The following PRKCH variants were observed in gnomAD, a reference collection of about 807,000 sequenced individuals.
The protein encoded by PRKCH is protein kinase C eta type.
A neutral mutation model predicts 82.5 loss-of-function variants in PRKCH; 28 were observed. The ratio of observed to expected loss-of-function variants is 0.34; its 90% CI spans 0.25 to 0.47. PRKCH has a LOEUF of 0.47. Ranked by LOEUF, PRKCH falls within the 20% of genes least tolerant of loss-of-function variation. PRKCH has a pLI of 1.00. For missense variants in PRKCH, 705 were observed against 881.8 expected, an observed-to-expected ratio of 0.80 and a Z score of 2.54; for synonymous variants, 322 against 327.4, an observed-to-expected ratio of 0.98 and a Z score of 0.18.
chr14:61,463,487 T>TA (rs568145055), intron 9 of PRKCH: 2 of 152,068 alleles, frequency 1.3e-5, no homozygotes, highest in Non-Finnish European at 2.9e-5. Context: ...CCTTTTTTTT[T>TA]ATAATCATAT....
chr14:61,190,445 T>C (rs944707022), intron 1 of PRKCH, among the ~76,000 whole-genome samples: 1 of 152,204 alleles, frequency 6.6e-6, no homozygotes, highest in African/African-American at 2.4e-5. Flanking sequence ...ATTTAGTCCA[T>C]TCTCTAAACA....
chr14:61,360,038 T>C (rs1285479603), intron 1 of PRKCH, among the ~76,000 whole-genome samples: 1 of 152,252 alleles, frequency 6.6e-6, no homozygotes, highest in Non-Finnish European at 1.5e-5. Context: ...ATAGCGTATG[T>C]GGCATTCTCT....
At chr14:61,250,586 G>T (rs2044936871) in intron 1 of PRKCH, among the ~76,000 whole-genome samples, 1 of 152,140 alleles carries the variant, frequency 6.6e-6, no homozygotes, top group South Asian at 2.1e-4. Context: ...CAAAGGTTAG[G>T]GGGAGGAGGG....
chr14:61,490,722 T>C (rs1165890650), intron 10 of PRKCH, among the ~76,000 whole-genome samples: 3 of 152,268 alleles, frequency 2.0e-5, no homozygotes, highest in East Asian at 3.9e-4. Flanking sequence ...AAGACCAGCG[T>C]AGGCAACATA....
intron 12 of PRKCH, among the ~76,000 whole-genome samples, chr14:61,545,727 T>C (rs1469669907): frequency 1.3e-5 from 2 of 152,176 alleles, no homozygotes; most frequent in African/African-American, 2.4e-5. Context: ...TGTCCCCAAT[T>C]CCAAGGGTGC....
chr14:61,479,173 A>G (rs898371408), intron 9 of PRKCH, among the ~76,000 whole-genome samples: 1 of 152,008 alleles, frequency 6.6e-6, no homozygotes, highest in Non-Finnish European at 1.5e-5. Flanking sequence ...CCACCTGTCC[A>G]TCCACCCACC....
chr14:61,440,925 C>CTTTT (rs71117817), intron 2 of PRKCH, among the ~76,000 whole-genome samples: 3 of 147,350 alleles, frequency 2.0e-5, no homozygotes, highest in East Asian at 2.0e-4. Flanking sequence ...CATTTTTTTT[C>CTTTT]TTTTTTTTTT....
chr14:61,326,622 T>C (rs945665646), intron 1 of PRKCH, among the ~76,000 whole-genome samples: 4 of 152,184 alleles, frequency 2.6e-5, no homozygotes, highest in African/African-American at 9.7e-5. Context: ...AAAAAACCAA[T>C]CAGCGCTTAT....
At chr14:61,221,003 T>C (rs35637108) in intron 1 of PRKCH, among the ~76,000 whole-genome samples, 6,264 of 152,274 alleles carry the variant, frequency 0.041, 178 homozygotes, top group Non-Finnish European at 0.063. Context: ...GCCGCTAGTG[T>C]TGGGCAGACA....
At chr14:61,502,224 C>T (rs575607668) in intron 10 of PRKCH, among the ~76,000 whole-genome samples, 45 of 151,906 alleles carry the variant, frequency 3.0e-4, no homozygotes, top group African/African-American at 1.1e-3. Flanking sequence ...CCACCACACC[C>T]GGCTAATTTT....
chr14:61,453,558 TTC>T (rs1195628381), intron 7 of PRKCH, among the ~76,000 whole-genome samples: 1 of 151,562 alleles, frequency 6.6e-6, no homozygotes, highest in Non-Finnish European at 1.5e-5. Context: ...CTTTCTTTCT[TTC>T]TCTCTTTCTC....
At position 61,406,493 on chromosome 14, in the gene PRKCH, C is replaced by G. The variant is rs571890873; in HGVS notation, c.427+15205C>G. 9.2e-5 allele frequency among the ~76,000 whole-genome samples: 14 copies of G among 152,256 alleles called. 1 individual carries two copies. The South Asian group carries it at 2.9e-3, about 32-fold the overall frequency. On this transcript the variant is annotated intron_variant, in intron 2 of 13. Transcript: ENST00000332981. Reference sequence around the variant, plus strand: ...ACTGGAGACAAGTTACAGGCATTTCCTTTTTTGTGGGGTAACTGAGACCAG... The same window carrying G: ...ACTGGAGACAAGTTACAGGCATTTCGTTTTTTGTGGGGTAACTGAGACCAG...
chr14:61,401,551 G>T (rs541386491), intron 2 of PRKCH, among the ~76,000 whole-genome samples: 1 of 152,188 alleles, frequency 6.6e-6, no homozygotes, highest in South Asian at 2.1e-4. Flanking sequence ...GTTGACATTT[G>T]CCCCAATGGT....
At chr14:61,301,376 T>A (rs191100047) in intron 1 of PRKCH, among the ~76,000 whole-genome samples, 1 of 152,384 alleles carries the variant, frequency 6.6e-6, no homozygotes, top group East Asian at 1.9e-4. Flanking sequence ...CAAATAAAGT[T>A]GTAGGATATG....
At chr14:61,237,284 A>G (rs1026181277) in intron 1 of PRKCH, among the ~76,000 whole-genome samples, 4 of 151,964 alleles carry the variant, frequency 2.6e-5, no homozygotes, top group African/African-American at 9.7e-5. Flanking sequence ...GCCTAACTCT[A>G]GTATAGCATC....
intron 2 of PRKCH, among the ~76,000 whole-genome samples, chr14:61,422,888 C>T (rs1414778397): frequency 6.6e-6 from 1 of 152,072 alleles, no homozygotes; most frequent in Non-Finnish European, 1.5e-5. Context: ...TGCACACACC[C>T]CCACATACTT....
chr14:61,433,760 G>A (rs1883535526), intron 2 of PRKCH, among the ~76,000 whole-genome samples: 1 of 152,198 alleles, frequency 6.6e-6, no homozygotes, highest in Non-Finnish European at 1.5e-5. Flanking sequence ...ATGAAAAGAT[G>A]TTTTGGGTGA....
At position 61,294,406 on chromosome 14, in the gene PRKCH, C is replaced by T. The variant is rs551138319; in HGVS notation, c.-19+106738C>T. Among the ~76,000 whole-genome samples, 22 of 152,202 alleles carry T rather than the reference C, an allele frequency of 1.4e-4. 1 individual carries two copies. The South Asian group carries it at 4.6e-3, about 32-fold the overall frequency. ...AAGTGTTGGGATTACAGGCGTGAGC[C>T]TCCATGCCTGACGTTGAAGTTTTAG... On this transcript the variant is annotated intron_variant, in intron 1 of 3. Transcript: ENST00000555185.
chr14:61,231,736 A>G (rs1438161140), intron 1 of PRKCH, among the ~76,000 whole-genome samples: 2 of 152,012 alleles, frequency 1.3e-5, no homozygotes, highest in African/African-American at 4.8e-5. Flanking sequence ...TCTAATTCCA[A>G]ACTAATCTGA....
Sources: gnomAD v4.1 joint callset for allele counts (sites outside exome capture counted in the v4.1 genomes callset) on GRCh38, gnomAD v4.1.1 for gene constraint, MANE v1.5 for transcripts, NCBI Gene and HGNC (gene_info 2026-07-23, HGNC 2026-07-21) for gene names.